PRELID2: variants seen among roughly 807,000 people sequenced by gnomAD.
PRELID2 encodes PRELI domain containing 2, also known as PRELI domain-containing protein 2.
In PRELID2, 25 loss-of-function variants were observed where a neutral mutation model predicts 28.4. The observed-to-expected ratio is 0.88, with a 90% CI of 0.64 to 1.23. The LOEUF (loss-of-function observed/expected upper bound fraction) is 1.23. Ranked by LOEUF, PRELID2 falls within the 50% of genes most tolerant of loss-of-function variation. PRELID2 has a pLI of 0.00. For synonymous variants in PRELID2, 76 were observed against 71.6 expected (o/e 1.06, Z -0.31); for missense variants, 201 against 214.4 (o/e 0.94, Z 0.39).
chr5:145,269,206 T>C, the PRELID2 span, among the ~76,000 whole-genome samples: 3 of 152,044 alleles, frequency 2.0e-5, no homozygotes, highest in Admixed American at 6.6e-5. Flanking sequence ...CAAAAAACTA[T>C]AGTAGTCCAA....
downstream of PRELID2, among the ~76,000 whole-genome samples, chr5:145,755,282 T>C (rs1345057770): frequency 6.6e-6 from 1 of 152,158 alleles, no homozygotes; most frequent in Admixed American, 6.5e-5. Flanking sequence ...CATCTGCTTA[T>C]TATGAGGGTA....
chr5:145,294,174 T>C, the PRELID2 span, among the ~76,000 whole-genome samples: 7 of 152,310 alleles, frequency 4.6e-5, no homozygotes, highest in South Asian at 2.1e-4. Flanking sequence ...TTTTCTTCCA[T>C]GTAAGAAATG....
chr5:145,585,531 T>C (rs372597716), intron 1 of PRELID2, among the ~76,000 whole-genome samples: 8 of 152,176 alleles, frequency 5.3e-5, no homozygotes, highest in African/African-American at 1.4e-4. Context: ...AGGTAATCTA[T>C]GTAATGATAA....
intron 1 of PRELID2, among the ~76,000 whole-genome samples, chr5:145,649,782 C>T (rs957060032): frequency 6.6e-6 from 1 of 152,198 alleles, no homozygotes; most frequent in African/African-American, 2.4e-5. Flanking sequence ...CAAACTTCTA[C>T]ATCCTGTCTC....
intron 1 of PRELID2, among the ~76,000 whole-genome samples, chr5:145,640,995 T>C (rs1366204311): frequency 6.6e-6 from 1 of 152,230 alleles, no homozygotes; most frequent in Non-Finnish European, 1.5e-5. Context: ...CCATATTTTA[T>C]ACCAGGCCCT....
the PRELID2 span, among the ~76,000 whole-genome samples, chr5:145,270,134 G>T: frequency 6.6e-6 from 1 of 151,464 alleles, no homozygotes; most frequent in Non-Finnish European, 1.5e-5. Context: ...TACATTGTTG[G>T]GAGGAACTGG....
At chr5:145,800,641 C>A (rs1341986339) in intron 4 of PRELID2, among the ~76,000 whole-genome samples, 1 of 152,104 alleles carries the variant, frequency 6.6e-6, no homozygotes, top group African/African-American at 2.4e-5. Context: ...TTTCTTTCTG[C>A]CACTTTTGGG....
chr5:145,284,446 G>A, the PRELID2 span, among the ~76,000 whole-genome samples: 1 of 152,026 alleles, frequency 6.6e-6, no homozygotes, highest in Non-Finnish European at 1.5e-5. Context: ...TCACAGCCGG[G>A]CAAGAAATGC....
intron 5 of PRELID2, among the ~76,000 whole-genome samples, chr5:145,769,863 A>C (rs948815474): frequency 3.3e-5 from 5 of 152,232 alleles, no homozygotes; most frequent in African/African-American, 1.2e-4. Flanking sequence ...GGAATTAAAA[A>C]TAACTGAAAG....
the PRELID2 span, among the ~76,000 whole-genome samples, chr5:145,321,705 TA>T: frequency 4.6e-5 from 7 of 152,228 alleles, no homozygotes; most frequent in Non-Finnish European, 2.9e-5. Flanking sequence ...TTGGTAAAAC[TA>T]AGCCTTTCAA....
At chr5:145,617,741 T>C (rs1018432683) in intron 1 of PRELID2, among the ~76,000 whole-genome samples, 10 of 149,814 alleles carry the variant, frequency 6.7e-5, no homozygotes, top group Non-Finnish European at 1.0e-4. Context: ...CTTTTTTTTT[T>C]TTTTAAATTG....
intron 2 of PRELID2, among the ~76,000 whole-genome samples, chr5:145,821,159 G>GTGTGTGTGTGTGTGTGTGTGTGTGTA (rs1754771990): frequency 1.1e-5 from 1 of 92,632 alleles, no homozygotes; most frequent in Non-Finnish European, 2.6e-5. Context: ...CTGGGTGTGT[G>GTGTGTGTGTGTGTGTGTGTGTGTGTA]TGTGTGTGTG....
At chr5:145,632,662 T>C (rs1044196905) in intron 1 of PRELID2, among the ~76,000 whole-genome samples, 1 of 152,102 alleles carries the variant, frequency 6.6e-6, no homozygotes. Flanking sequence ...ACTGGAAAAA[T>C]TCTAAGGCAG....
At chr5:145,574,146 A>G (rs1290826944) in intron 1 of PRELID2, among the ~76,000 whole-genome samples, 1 of 152,174 alleles carries the variant, frequency 6.6e-6, no homozygotes, top group Non-Finnish European at 1.5e-5. Context: ...AAATAGAAAG[A>G]TTGCTGCTCT....
At chr5:145,415,855 C>T in the PRELID2 span, among the ~76,000 whole-genome samples, 3 of 151,822 alleles carry the variant, frequency 2.0e-5, no homozygotes, top group African/African-American at 7.2e-5. Context: ...GGAATCGCCA[C>T]ACTGACTTCC....
At chr5:145,576,092 T>C (rs1753058132) in intron 1 of PRELID2, among the ~76,000 whole-genome samples, 1 of 152,202 alleles carries the variant, frequency 6.6e-6, no homozygotes, top group African/African-American at 2.4e-5. Flanking sequence ...GTCATGGGCC[T>C]TTTTGTAACT....
chr5:145,819,418 C>T (rs1754599433), intron 3 of PRELID2: 1 of 1,588,054 alleles, frequency 6.3e-7, no homozygotes, highest in Non-Finnish European at 8.6e-7. Context: ...TTAAGGACTT[C>T]AAAGAGAGAA....
At chr5:145,284,146 A>G in the PRELID2 span, among the ~76,000 whole-genome samples, 2 of 152,318 alleles carry the variant, frequency 1.3e-5, no homozygotes, top group East Asian at 3.9e-4. Flanking sequence ...GTTTATTCTG[A>G]GGATTAATGC....
At chr5:145,464,292 G>A in the PRELID2 span, among the ~76,000 whole-genome samples, 1 of 152,090 alleles carries the variant, frequency 6.6e-6, no homozygotes, top group African/African-American at 2.4e-5. Context: ...CTGGCTCACT[G>A]AGGAAATAAT....
Sources: allele counts gnomAD v4.1 joint callset (sites outside exome capture counted in the v4.1 genomes callset), GRCh38; gene constraint gnomAD v4.1.1; transcripts MANE v1.5; gene names NCBI Gene and HGNC (gene_info 2026-07-23, HGNC 2026-07-21).